Variants in XKR9 observed in about 807,000 individuals in gnomAD.
XKR9 encodes XK related 9.
A neutral mutation model predicts 32.0 loss-of-function variants in XKR9; 32 were observed. The ratio of observed to expected loss-of-function variants is 1.00; its 90% confidence interval spans 0.76 to 1.34. The LOEUF is 1.34. Among genes scored for constraint, XKR9 ranks in the 40% most tolerant of loss-of-function variants. The pLI is 0.00. For synonymous variants in XKR9, 168 were observed against 143.4 expected (o/e 1.17, Z -1.22); for missense variants, 546 against 429.7 (o/e 1.27, Z -2.39).
chr8:71,025,280 T>A, the XKR9 span, among the ~76,000 whole-genome samples: 1 of 152,208 alleles, frequency 6.6e-6, no homozygotes, highest in Non-Finnish European at 1.5e-5. Context: ...ATAGAAGGAC[T>A]GACCCCCTAG....
At chr8:70,929,823 C>G in the XKR9 span, among the ~76,000 whole-genome samples, 1 of 152,186 alleles carries the variant, frequency 6.6e-6, no homozygotes, top group Non-Finnish European at 1.5e-5. Flanking sequence ...TTGTTTGAGT[C>G]AGGCCCACCC....
the XKR9 span, among the ~76,000 whole-genome samples, chr8:70,818,711 T>C: frequency 6.6e-6 from 1 of 152,208 alleles, no homozygotes; most frequent in Non-Finnish European, 1.5e-5. Context: ...TTGTGCTAAA[T>C]TGGTATAGAG....
chr8:70,892,401 T>A, the XKR9 span, among the ~76,000 whole-genome samples: 1 of 152,162 alleles, frequency 6.6e-6, no homozygotes, highest in African/African-American at 2.4e-5. Flanking sequence ...GATTATTTTC[T>A]TTTTTCCTTT....
chr8:70,897,998 C>T, the XKR9 span, among the ~76,000 whole-genome samples: 1 of 152,160 alleles, frequency 6.6e-6, no homozygotes, highest in African/African-American at 2.4e-5. Context: ...CTTCAATGTC[C>T]TGAAGCTTTT....
chr8:70,882,244 A>G, the XKR9 span, among the ~76,000 whole-genome samples: 2 of 152,152 alleles, frequency 1.3e-5, no homozygotes, highest in African/African-American at 4.8e-5. Flanking sequence ...CATGTACCCT[A>G]GAACTTAAAG....
At position 70,706,961 on chromosome 8, in the gene XKR9, C is replaced by T. The variant is rs1466610015; in HGVS notation, c.301C>T (p.His101Tyr). The change falls in exon 4 of 5, where the codon CAT (histidine) becomes TAT (tyrosine). Residue 101 changes from histidine (H) to tyrosine (Y), a missense_variant. Coordinates refer to ENST00000408926, the MANE Select transcript of XKR9 (RefSeq NM_001011720.2). Reference protein sequence around the residue: ...RYWFALKRGYHAAFKYDSNTS... With the variant: ...RYWFALKRGYYAAFKYDSNTS... ...TTGGTTTGCCTTAAAAAGGGGTTAC[C>T]ATGCAGCTTTTAAATATGACAGCAA... The T allele has an allele frequency of 6.2e-7, 1 of 1,612,146 alleles. No individual in the cohort carries two copies. The highest frequency in any genetic ancestry group is 1.3e-5 in the African/African-American group (1 of 74,966).
chr8:70,944,648 C>T, the XKR9 span, among the ~76,000 whole-genome samples: 1 of 152,154 alleles, frequency 6.6e-6, no homozygotes, highest in Admixed American at 6.5e-5. Context: ...AGCCACCTCT[C>T]TGTAAAGGAG....
the XKR9 span, among the ~76,000 whole-genome samples, chr8:71,006,932 A>T: frequency 6.6e-6 from 1 of 152,216 alleles, no homozygotes; most frequent in African/African-American, 2.4e-5. Context: ...GTTTGGTGAC[A>T]AGTGGATGTA....
At chr8:70,766,499 G>C (rs112017019) in intron 2 of XKR9, among the ~76,000 whole-genome samples, 7 of 152,328 alleles carry the variant, frequency 4.6e-5, no homozygotes, top group African/African-American at 1.7e-4. Context: ...TTTTGGGACT[G>C]AGATGATGGG....
chr8:70,713,225 A>T (rs1463761101), intron 4 of XKR9, among the ~76,000 whole-genome samples: 1 of 152,188 alleles, frequency 6.6e-6, no homozygotes, highest in Non-Finnish European at 1.5e-5. Context: ...AGAAGAAATT[A>T]TCTAGATTGT....
At chr8:70,710,236 A>G (rs574320476) in intron 4 of XKR9, among the ~76,000 whole-genome samples, 1 of 152,340 alleles carries the variant, frequency 6.6e-6, no homozygotes, top group South Asian at 2.1e-4. Flanking sequence ...CAGGCTAGCC[A>G]TGTTTAGAAG....
At chr8:71,065,668 C>G in the XKR9 span, among the ~76,000 whole-genome samples, 1 of 152,166 alleles carries the variant, frequency 6.6e-6, no homozygotes, top group Non-Finnish European at 1.5e-5. Flanking sequence ...GAATGTTGGT[C>G]TAGAATGATG....
At chr8:70,854,476 T>G in the XKR9 span, among the ~76,000 whole-genome samples, 1 of 152,238 alleles carries the variant, frequency 6.6e-6, no homozygotes, top group Non-Finnish European at 1.5e-5. Flanking sequence ...GTAGGTTGCC[T>G]GTTCACTCTG....
At chr8:70,898,715 G>C in the XKR9 span, among the ~76,000 whole-genome samples, 1 of 151,474 alleles carries the variant, frequency 6.6e-6, no homozygotes, top group Admixed American at 6.6e-5. Context: ...TTTAAAATGT[G>C]TTACTGTTTT....
intron 2 of XKR9, among the ~76,000 whole-genome samples, chr8:70,750,780 A>G (rs1462182124): frequency 1.3e-5 from 2 of 152,232 alleles, no homozygotes; most frequent in Non-Finnish European, 2.9e-5. Context: ...ACCTACAAAA[A>G]TAAACTGTTA....
the XKR9 span, among the ~76,000 whole-genome samples, chr8:70,820,788 T>A: frequency 6.6e-6 from 1 of 152,158 alleles, no homozygotes; most frequent in African/African-American, 2.4e-5. Context: ...CATTATCACA[T>A]GAAGAGCATG....
the XKR9 span, among the ~76,000 whole-genome samples, chr8:70,952,736 T>C: frequency 1.3e-5 from 2 of 152,204 alleles, no homozygotes; most frequent in Non-Finnish European, 2.9e-5. Context: ...GTATATTTAT[T>C]GTCTCTGAGG....
the XKR9 span, among the ~76,000 whole-genome samples, chr8:71,034,388 G>A: frequency 2.6e-5 from 4 of 152,082 alleles, no homozygotes; most frequent in African/African-American, 9.7e-5. Flanking sequence ...ATTTCCTGAC[G>A]CCTCCCCAGC....
the XKR9 span, among the ~76,000 whole-genome samples, chr8:70,850,291 C>T: frequency 6.6e-6 from 1 of 151,788 alleles, no homozygotes; most frequent in African/African-American, 2.4e-5. Context: ...GAAACCCTGA[C>T]TCTACTAAAA....
Sources: allele counts gnomAD v4.1 joint callset (sites outside exome capture counted in the v4.1 genomes callset), GRCh38; gene constraint gnomAD v4.1.1; transcripts MANE v1.5; gene names NCBI Gene and HGNC (gene_info 2026-07-23, HGNC 2026-07-21).